The following SPIDR variants were observed in gnomAD, a reference collection of about 807,000 sequenced individuals.
SPIDR encodes scaffold protein involved in DNA repair.
In SPIDR, 93 loss-of-function variants were observed where a neutral mutation model predicts 104.6. The observed-to-expected ratio is 0.89, with a 90% CI of 0.75 to 1.06. The LOEUF (loss-of-function observed/expected upper bound fraction) is 1.06. Ranked by LOEUF, SPIDR falls within the 50% of genes least tolerant of loss-of-function variation. SPIDR has a pLI of 0.00. For missense variants in SPIDR, 1,154 were observed against 1,111.2 expected, an observed-to-expected ratio of 1.04 and a Z score of -0.55; for synonymous variants, 431 against 416.9, an observed-to-expected ratio of 1.03 and a Z score of -0.41.
At chr8:47,576,634 A>T (rs544367697) in intron 8 of SPIDR, among the ~76,000 whole-genome samples, 1 of 151,430 alleles carries the variant, frequency 6.6e-6, no homozygotes, top group Non-Finnish European at 1.5e-5. Context: ...GGATTTCACC[A>T]TGTTGACCAG....
At chr8:47,419,525 C>G (rs1268485173) in intron 7 of SPIDR, among the ~76,000 whole-genome samples, 2 of 152,008 alleles carry the variant, frequency 1.3e-5, no homozygotes, top group African/African-American at 4.8e-5. Flanking sequence ...CTTTATTAGT[C>G]TTGCTAGTAG....
Position 47,686,771 on chromosome 8 carries a change from C to A in SPIDR, c.1685+12830C>A, listed in dbSNP as rs542828483. Reference sequence around the variant, plus strand: ...AACCCCTGGCCCTCAAAATAAAAATCTGATTATTTCTTGTCAGTGATGTTG... The same window carrying A: ...AACCCCTGGCCCTCAAAATAAAAATATGATTATTTCTTGTCAGTGATGTTG... On this transcript the variant is annotated intron_variant, in intron 11 of 19. Transcript: ENST00000297423. Among the ~76,000 whole-genome samples the A allele has an allele frequency of 2.6e-5, 4 of 152,176 alleles. No homozygotes were observed. In the South Asian group the frequency reaches 8.3e-4, roughly 32 times the overall value.
Position 47,279,970 on chromosome 8 carries a change from G to A in SPIDR, c.142G>A (p.Ala48Thr). The part of the protein sequence containing the change: ...TAGAAASLSE[A>T]WLRCGEGFQN... ...AGGGGCAGCTGCCTCTCTCTCTGAA[G>A]CATGGCTCAGGTGTGGAGAAGGGTT... is the stretch of plus-strand genomic sequence containing the variant. Residue 48 changes from alanine to threonine, a missense_variant, in exon 2 of 20, where the codon GCA becomes ACA. Coordinates refer to ENST00000297423, the MANE Select transcript of SPIDR (RefSeq NM_001080394.4). 1 of 1,614,212 alleles carries A rather than the reference G, an allele frequency of 6.2e-7. No homozygotes were observed. Among genetic ancestry groups the A allele is most frequent in the South Asian group, 1.1e-5 (1 of 91,084 alleles).
chr8:47,444,853 C>CT (rs2070253581), intron 8 of SPIDR, among the ~76,000 whole-genome samples: 1 of 152,172 alleles, frequency 6.6e-6, no homozygotes, highest in African/African-American at 2.4e-5. Context: ...TTTTAAAACA[C>CT]TTTCCATATT....
intron 10 of SPIDR, among the ~76,000 whole-genome samples, chr8:47,647,653 A>AGAGAGAGAGG (rs1563416167): frequency 7.9e-5 from 7 of 89,152 alleles, no homozygotes; most frequent in African/African-American, 3.6e-5. Context: ...AGAGAGAGAG[A>AGAGAGAGAGG]GGGAGAGAGA....
chr8:47,307,126 A>G (rs782225730), intron 5 of SPIDR, among the ~76,000 whole-genome samples: 4 of 151,304 alleles, frequency 2.6e-5, no homozygotes, highest in Non-Finnish European at 5.9e-5. Context: ...TGTTTACATA[A>G]CTTACTGCTT....
At chr8:47,263,017 CT>C (rs569223224) in intron 1 of SPIDR, among the ~76,000 whole-genome samples, 3 of 152,122 alleles carry the variant, frequency 2.0e-5, no homozygotes, top group Non-Finnish European at 2.9e-5. Flanking sequence ...GTGTTTAGTG[CT>C]TTATATGTAT....
intron 7 of SPIDR, among the ~76,000 whole-genome samples, chr8:47,429,174 G>A (rs1446945058): frequency 6.6e-6 from 1 of 152,150 alleles, no homozygotes; most frequent in Non-Finnish European, 1.5e-5. Context: ...ACAGTAAAGA[G>A]TTCTTACTAG....
At chr8:47,664,446 T>C (rs1326421681) in intron 10 of SPIDR, among the ~76,000 whole-genome samples, 1 of 152,164 alleles carries the variant, frequency 6.6e-6, no homozygotes, top group Non-Finnish European at 1.5e-5. Context: ...AAGGAACATA[T>C]GTTAACAATG....
chr8:47,594,689 T>C (rs2061449614), intron 8 of SPIDR, among the ~76,000 whole-genome samples: 2 of 151,968 alleles, frequency 1.3e-5, no homozygotes, highest in South Asian at 2.1e-4. Flanking sequence ...ACCTGAGATA[T>C]AAGAGGCAAA....
At chr8:47,488,812 T>C (rs1424264669) in intron 8 of SPIDR, among the ~76,000 whole-genome samples, 74 of 152,274 alleles carry the variant, frequency 4.9e-4, no homozygotes, top group African/African-American at 1.7e-3. Context: ...CCCTTCATGC[T>C]AAAAACTCTC....
At chr8:47,369,466 C>G (rs1554637200) in intron 5 of SPIDR, among the ~76,000 whole-genome samples, 1 of 152,216 alleles carries the variant, frequency 6.6e-6, no homozygotes, top group Non-Finnish European at 1.5e-5. Flanking sequence ...TCCTCTTCAT[C>G]TTAGAAACTG....
At chr8:47,693,292 C>G (rs545867435) in intron 11 of SPIDR, among the ~76,000 whole-genome samples, 1 of 152,246 alleles carries the variant, frequency 6.6e-6, no homozygotes, top group East Asian at 1.9e-4. Context: ...ACCAACTAGC[C>G]TAGAGTTTAA....
intron 10 of SPIDR, among the ~76,000 whole-genome samples, chr8:47,671,876 T>A (rs930232093): frequency 6.6e-6 from 1 of 152,248 alleles, no homozygotes; most frequent in Non-Finnish European, 1.5e-5. Flanking sequence ...TAGTCTTTGG[T>A]ATTCTCTAGT....
chr8:47,714,422 C>T (rs1378273460), intron 16 of SPIDR, among the ~76,000 whole-genome samples: 3 of 151,976 alleles, frequency 2.0e-5, no homozygotes, highest in South Asian at 2.1e-4. Context: ...GGAGAGTTTG[C>T]GTGTTTTACA....
chr8:47,335,009 A>T (rs2049429085), intron 5 of SPIDR, among the ~76,000 whole-genome samples: 1 of 152,180 alleles, frequency 6.6e-6, no homozygotes, highest in Non-Finnish European at 1.5e-5. Flanking sequence ...GATAATGTGG[A>T]GTATAATAGC....
intron 3 of SPIDR, among the ~76,000 whole-genome samples, chr8:47,290,451 T>G (rs2039700333): frequency 6.6e-6 from 1 of 152,198 alleles, no homozygotes; most frequent in South Asian, 2.1e-4. Flanking sequence ...TGTGTTATAC[T>G]ACAGTTTTGC....
At chr8:47,346,366 T>G (rs1036401421) in intron 5 of SPIDR, among the ~76,000 whole-genome samples, 1 of 152,226 alleles carries the variant, frequency 6.6e-6, no homozygotes, top group Non-Finnish European at 1.5e-5. Flanking sequence ...TGCATTCAGT[T>G]TGCCAATATT....
chr8:47,614,762 G>A (rs2064070175), intron 10 of SPIDR, among the ~76,000 whole-genome samples: 1 of 152,162 alleles, frequency 6.6e-6, no homozygotes, highest in Non-Finnish European at 1.5e-5. Context: ...CTAGGTCTTT[G>A]AGGAATCACC....
Sources: allele counts gnomAD v4.1 joint callset (sites outside exome capture counted in the v4.1 genomes callset), GRCh38; gene constraint gnomAD v4.1.1; transcripts MANE v1.5; gene names NCBI Gene and HGNC (gene_info 2026-07-23, HGNC 2026-07-21).